Variants in ZFYVE1 observed in about 807,000 individuals in gnomAD.
The protein encoded by ZFYVE1 is zinc finger FYVE-type containing 1, also known as zinc finger FYVE domain-containing protein 1.
In ZFYVE1, 30 loss-of-function variants were observed where a neutral mutation model predicts 74.4. That is an observed-to-expected ratio of 0.40 (90% CI 0.30 to 0.55). The LOEUF (loss-of-function observed/expected upper bound fraction) is 0.55. Among genes scored for constraint, ZFYVE1 ranks in the 20% least tolerant of loss-of-function variants. The pLI, the probability that ZFYVE1 is intolerant of heterozygous loss-of-function variation, is 0.42. For missense variants in ZFYVE1, 703 were observed against 1,011.6 expected (o/e 0.69, Z 4.14); for synonymous variants, 335 against 385.1 (o/e 0.87, Z 1.52).
intron 2 of ZFYVE1, among the ~76,000 whole-genome samples, chr14:73,005,408 A>G (rs1288774246): frequency 6.6e-6 from 1 of 152,140 alleles, no homozygotes; most frequent in Non-Finnish European, 1.5e-5. Flanking sequence ...CCAACTGGCC[A>G]CCCCATCCAA....
chr14:73,020,270 A>AAAG (rs1288093243), intron 2 of ZFYVE1, among the ~76,000 whole-genome samples: 2 of 151,588 alleles, frequency 1.3e-5, no homozygotes, highest in East Asian at 1.9e-4. Context: ...AAAAAAAAAA[A>AAAG]AAAAAAGGAA....
intron 2 of ZFYVE1, among the ~76,000 whole-genome samples, chr14:72,999,723 A>T (rs61986539): frequency 0.056 from 8,595 of 152,318 alleles, 328 homozygotes; most frequent in Non-Finnish European, 0.089. Context: ...TGAGCCCAGG[A>T]GTTTACAGCC....
At chr14:73,023,209 T>C (rs1226662139) in intron 2 of ZFYVE1, among the ~76,000 whole-genome samples, 2 of 137,622 alleles carry the variant, frequency 1.5e-5, no homozygotes, top group African/African-American at 2.6e-5. Context: ...ATATGTTTTA[T>C]ATATAATATA....
chr14:72,977,809 C>T (rs1893213829), intron 8 of ZFYVE1, 118 bp downstream of exon 8: 20 of 1,113,230 alleles, frequency 1.8e-5, no homozygotes, highest in South Asian at 3.3e-5. Context: ...CTTTCTAAAC[C>T]GCCAACATTC....
intron 3 of ZFYVE1, among the ~76,000 whole-genome samples, chr14:72,996,065 A>G (rs1893741486): frequency 6.6e-6 from 1 of 152,100 alleles, no homozygotes; most frequent in Admixed American, 6.6e-5. Flanking sequence ...GAGTCTCTCC[A>G]TCATTCCCTC....
At chr14:72,989,206 A>G (rs1567351662) in intron 4 of ZFYVE1, among the ~76,000 whole-genome samples, 1 of 152,188 alleles carries the variant, frequency 6.6e-6, no homozygotes, top group African/African-American at 2.4e-5. Context: ...GATTACAGGC[A>G]TGAGCCACAG....
intron 4 of ZFYVE1, among the ~76,000 whole-genome samples, chr14:72,985,760 AAAG>A (rs1407058250): frequency 6.6e-6 from 1 of 150,972 alleles, no homozygotes; most frequent in East Asian, 1.9e-4. Flanking sequence ...AAAAAAAAAA[AAAG>A]AATAGCAAAT....
chr14:73,025,354 T>C (rs541061791), intron 1 of ZFYVE1, among the ~76,000 whole-genome samples: 18 of 151,740 alleles, frequency 1.2e-4, no homozygotes, highest in Non-Finnish European at 2.4e-4. Context: ...CAGGCGTGAG[T>C]CACCGCACCT....
chr14:72,975,536 C>G lies in ZFYVE1; in HGVS notation c.1806+15G>C. The G allele has an allele frequency of 6.2e-7, 1 of 1,604,036 alleles. No individual in the cohort carries two copies. The highest frequency in any genetic ancestry group is 1.1e-5 in the South Asian group (1 of 89,664). On this transcript the variant is annotated intron_variant, in intron 9 of 11. Coordinates refer to ENST00000556143, the MANE Select transcript of ZFYVE1 (RefSeq NM_021260.4). The surrounding 1 kb of genome is among the most constrained non-coding windows in gnomAD (Gnocchi z 4.1). ...GGCTGTGCCAGGAGTGGAGGGGCAT[C>G]CTGGCACACCATACCAGAATCTGGG...
chr14:73,021,699 C>T (rs1284060728), intron 2 of ZFYVE1, among the ~76,000 whole-genome samples: 2 of 152,092 alleles, frequency 1.3e-5, no homozygotes, highest in African/African-American at 4.8e-5. Flanking sequence ...ACTGTTATTT[C>T]CTAGGACGTG....
intron 4 of ZFYVE1, among the ~76,000 whole-genome samples, chr14:72,983,389 C>T (rs1247344680): frequency 5.1e-5 from 7 of 137,428 alleles, no homozygotes; most frequent in Non-Finnish European, 7.7e-5. Flanking sequence ...TGATGTTCCC[C>T]CCCTTCCTGT....
chr14:73,019,778 C>T (rs1487329263), intron 2 of ZFYVE1, among the ~76,000 whole-genome samples: 2 of 149,472 alleles, frequency 1.3e-5, no homozygotes, highest in African/African-American at 2.5e-5. Flanking sequence ...AAGGTGAAAC[C>T]CCGTCTCTAC....
chr14:72,986,048 T>A (rs1028528886), intron 4 of ZFYVE1, among the ~76,000 whole-genome samples: 1 of 152,206 alleles, frequency 6.6e-6, no homozygotes, highest in African/African-American at 2.4e-5. Flanking sequence ...TCACAGAGGA[T>A]GCCAACTCCC....
chr14:73,024,177 C>T lies in ZFYVE1; in HGVS notation c.332G>A (p.Gly111Asp), dbSNP rs371418940. The T allele has an allele frequency of 1.9e-6, 3 of 1,614,010 alleles. No homozygotes were observed. Among genetic ancestry groups the T allele is most frequent in the Admixed American group, 3.3e-5 (2 of 59,984 alleles). ...LECQKRTHSGGNKRRHPVTVY... is the reference protein window; with the variant it reads ...LECQKRTHSGDNKRRHPVTVY... ...AGTAACAGGGTGTCTCCTTTTGTTACCCCCAGAATGAGTCCTCTTCTGGCA... is the reference window on the plus strand; with the variant it reads ...AGTAACAGGGTGTCTCCTTTTGTTATCCCCAGAATGAGTCCTCTTCTGGCA... Residue 111 changes from glycine to aspartate, a missense_variant, in exon 2 of 12, where the codon GGT becomes GAT. Physicochemically the swap from Gly to Asp is moderately conservative, Grantham distance 94. Coordinates refer to ENST00000556143, the MANE Select transcript of ZFYVE1 (RefSeq NM_021260.4).
At chr14:73,012,875 G>C (rs1044167644) in intron 2 of ZFYVE1, among the ~76,000 whole-genome samples, 5 of 152,148 alleles carry the variant, frequency 3.3e-5, no homozygotes, top group Admixed American at 1.3e-4. Flanking sequence ...AAAATTATGA[G>C]AGATGACAGT....
chr14:73,010,375 G>C (rs1376676292), intron 2 of ZFYVE1, among the ~76,000 whole-genome samples: 1 of 152,188 alleles, frequency 6.6e-6, no homozygotes, highest in Non-Finnish European at 1.5e-5. Context: ...GCCAAGGCAG[G>C]CAGATCACCT....
At chr14:72,983,986 G>A (rs61986499) in intron 4 of ZFYVE1, among the ~76,000 whole-genome samples, 19,624 of 152,058 alleles carry the variant, frequency 0.13, 1,569 homozygotes, top group East Asian at 0.2. Context: ...CCCTACAAAG[G>A]CACGTAATAT....
At chr14:72,998,366 A>G in intron 2 of ZFYVE1, 51 bp from the exon 3 acceptor site, 1 of 1,446,880 alleles carries the variant, frequency 6.9e-7, no homozygotes, top group Non-Finnish European at 9.2e-7. Context: ...TAAAAGCACT[A>G]GAAACACCTA....
Position 72,975,943 on chromosome 14 carries a change from C to A in ZFYVE1, c.1636-222G>T. ...TGTTCAATTCAGGACTTACTAAGCC[C>A]ATATAATACAGGAGATGACACCTCC... On this transcript the variant is annotated intron_variant, in intron 8 of 11. Transcript: ENST00000556143. This position sits in a 1 kb window ranked among gnomAD's most constrained non-coding sequence, Gnocchi z 4.1. The A allele has an allele frequency of 1.9e-6, 1 of 536,124 alleles. No homozygotes were observed. The highest frequency in any genetic ancestry group is 3.3e-5 in the East Asian group (1 of 30,254). 33.2% of individuals were successfully genotyped at this position (536,124 alleles called of 1,614,324 possible). A position where few individuals can be genotyped will look rare whatever the true frequency, so the allele number is the denominator to read the frequency against.
Sources: gnomAD v4.1 joint callset for allele counts (sites outside exome capture counted in the v4.1 genomes callset) on GRCh38, gnomAD v4.1.1 for gene constraint, Gnocchi (gnomAD v3.1) non-coding constraint, MANE v1.5 for transcripts, NCBI Gene and HGNC (gene_info 2026-07-23, HGNC 2026-07-21) for gene names.